NAALADL2: variants seen among roughly 807,000 people sequenced by gnomAD.
NAALADL2 encodes the protein N-acetylated alpha-linked acidic dipeptidase like 2, also known as inactive N-acetylated-alpha-linked acidic dipeptidase-like protein 2.
Under a neutral mutation model 87.2 loss-of-function variants are expected in NAALADL2, and 76 were observed. The ratio of observed to expected loss-of-function variants is 0.87; its 90% CI spans 0.72 to 1.05. The LOEUF (loss-of-function observed/expected upper bound fraction) is 1.05. Among genes scored for constraint, NAALADL2 ranks in the 50% least tolerant of loss-of-function variants. NAALADL2 has a pLI of 0.00. For missense variants in NAALADL2, 1,089 were observed against 945.8 expected (o/e 1.15, Z -1.99); for synonymous variants, 354 against 331.0 (o/e 1.07, Z -0.75).
chr3:174,477,283 T>C lies in NAALADL2; in HGVS notation c.-184+36251T>C, dbSNP rs1349803872. Among the ~76,000 whole-genome samples the C allele has an allele frequency of 3.3e-5, 5 of 152,184 alleles. No homozygotes were observed. The East Asian group carries it at 9.6e-4, about 29-fold the overall frequency. On this transcript the variant is annotated intron_variant, in intron 1 of 3. Coordinates refer to the NAALADL2 transcript ENST00000434257. ...AGCTAGGGTTAGAATCTCATTCTTA[T>C]GATTCCTAGTCCTGAGTTCTTTCCA...
intron 3 of NAALADL2, 36 bp from the exon 4 acceptor site, chr3:175,256,375 A>G (rs747499902): frequency 6.3e-7 from 1 of 1,577,606 alleles, no homozygotes; most frequent in East Asian, 2.3e-5. Context: ...TCTTCCTCTG[A>G]GGCTTTATTT....
At chr3:175,536,400 C>A (rs1053124702) in intron 9 of NAALADL2, among the ~76,000 whole-genome samples, 1 of 152,066 alleles carries the variant, frequency 6.6e-6, no homozygotes, top group Non-Finnish European at 1.5e-5. Flanking sequence ...AAAAGCAAAG[C>A]AATACTAATT....
At chr3:175,549,181 G>T (rs1387791142) in intron 9 of NAALADL2, among the ~76,000 whole-genome samples, 1 of 151,540 alleles carries the variant, frequency 6.6e-6, no homozygotes, top group African/African-American at 2.4e-5. Flanking sequence ...TCATTGTGTA[G>T]TTCTATGATA....
At chr3:174,592,884 C>G (rs945442715) in intron 2 of NAALADL2, among the ~76,000 whole-genome samples, 4 of 151,392 alleles carry the variant, frequency 2.6e-5, no homozygotes, top group Non-Finnish European at 5.9e-5. Context: ...TGAAGTTTGA[C>G]TTTATTTGCT....
chr3:174,983,157 CAT>C (rs1186669528), intron 1 of NAALADL2, among the ~76,000 whole-genome samples: 1 of 152,134 alleles, frequency 6.6e-6, no homozygotes, highest in Non-Finnish European at 1.5e-5. Context: ...CACAGGGTCA[CAT>C]ATGAAATTAC....
At chr3:175,563,296 A>C (rs1483889622) in intron 9 of NAALADL2, among the ~76,000 whole-genome samples, 1 of 152,150 alleles carries the variant, frequency 6.6e-6, no homozygotes, top group East Asian at 1.9e-4. Flanking sequence ...CCTACTTTTC[A>C]CAAGGTATTT....
At chr3:175,054,961 G>A (rs9814774) in intron 1 of NAALADL2, among the ~76,000 whole-genome samples, 149,257 of 152,282 alleles carry the variant, frequency 0.98, 73,155 homozygotes, top group East Asian at 1. Context: ...TGCAAAATAT[G>A]ACTACTTTGA....
intron 2 of NAALADL2, among the ~76,000 whole-genome samples, chr3:175,229,906 T>A (rs908957834): frequency 6.6e-6 from 1 of 151,986 alleles, no homozygotes; most frequent in African/African-American, 2.4e-5. Context: ...GAACAAGTAG[T>A]GTGACTTGCC....
At chr3:175,635,859 C>G (rs1728454834) in intron 11 of NAALADL2, among the ~76,000 whole-genome samples, 1 of 152,004 alleles carries the variant, frequency 6.6e-6, no homozygotes, top group Non-Finnish European at 1.5e-5. Flanking sequence ...TCTAGGTCGA[C>G]AGATCAAATA....
chr3:174,667,128 T>A (rs1438861062), intron 2 of NAALADL2, among the ~76,000 whole-genome samples: 1 of 152,196 alleles, frequency 6.6e-6, no homozygotes, highest in South Asian at 2.1e-4. Context: ...CTGTGAATAA[T>A]GCTGCATTGA....
In NAALADL2 at chr3:175,648,924, A is replaced by G. The variant is rs567366496; in HGVS notation, c.1896+21538A>G. Among the ~76,000 whole-genome samples, 7 of 152,306 alleles carry G rather than the reference A, an allele frequency of 4.6e-5. No homozygotes were observed. The South Asian group carries it at 1.2e-3, about 27-fold the overall frequency. Reference sequence around the variant, plus strand: ...GTTGTCCCTTTTGTAGACTAGTTACAAGTATTTAGTTCAGAAATAAAAAAT... The same window carrying G: ...GTTGTCCCTTTTGTAGACTAGTTACGAGTATTTAGTTCAGAAATAAAAAAT... On this transcript the variant is annotated intron_variant, in intron 11 of 13. Coordinates refer to ENST00000454872, the MANE Select transcript of NAALADL2 (RefSeq NM_207015.3).
At chr3:175,346,536 G>A (rs1296966654) in intron 5 of NAALADL2, among the ~76,000 whole-genome samples, 3 of 151,930 alleles carry the variant, frequency 2.0e-5, no homozygotes, top group African/African-American at 4.8e-5. Flanking sequence ...TGAAAATTAG[G>A]GTTTGACTTT....
At chr3:175,491,733 T>C (rs188961944) in intron 9 of NAALADL2, among the ~76,000 whole-genome samples, 1 of 152,244 alleles carries the variant, frequency 6.6e-6, no homozygotes, top group African/African-American at 2.4e-5. Context: ...ACGCTACACA[T>C]GAGGATTACC....
chr3:174,944,556 T>A (rs1382612486), intron 1 of NAALADL2, among the ~76,000 whole-genome samples: 1 of 152,188 alleles, frequency 6.6e-6, no homozygotes, highest in Admixed American at 6.5e-5. Flanking sequence ...CTGCTTAGCA[T>A]CCTGGATTCA....
chr3:174,965,682 A>G (rs1213505473), intron 1 of NAALADL2, among the ~76,000 whole-genome samples: 1 of 152,168 alleles, frequency 6.6e-6, no homozygotes, highest in African/African-American at 2.4e-5. Flanking sequence ...GAGGTCCTCA[A>G]GGAGGCTTGG....
intron 1 of NAALADL2, among the ~76,000 whole-genome samples, chr3:174,490,189 T>C (rs1038311227): frequency 6.6e-6 from 1 of 151,994 alleles, no homozygotes; most frequent in African/African-American, 2.4e-5. Context: ...ATAAATAAAA[T>C]AGTGGTATAT....
At chr3:175,732,675 C>A (rs1743933805) in intron 11 of NAALADL2, among the ~76,000 whole-genome samples, 1 of 152,000 alleles carries the variant, frequency 6.6e-6, no homozygotes, top group Non-Finnish European at 1.5e-5. Flanking sequence ...TAAGCAAGGG[C>A]AGGGAGACCT....
At chr3:175,393,150 T>C (rs1769279723) in intron 5 of NAALADL2, among the ~76,000 whole-genome samples, 1 of 150,494 alleles carries the variant, frequency 6.6e-6, no homozygotes, top group South Asian at 2.1e-4. Context: ...GGCGGGCGCC[T>C]GTAGTCCCAG....
chr3:175,728,463 G>T (rs1463767839), intron 11 of NAALADL2, among the ~76,000 whole-genome samples: 1 of 152,164 alleles, frequency 6.6e-6, no homozygotes, highest in African/African-American at 2.4e-5. Flanking sequence ...GGATACTGCA[G>T]CTTTGGAAAG....
Sources: allele counts gnomAD v4.1 joint callset (sites outside exome capture counted in the v4.1 genomes callset), GRCh38; gene constraint gnomAD v4.1.1; transcripts MANE v1.5; gene names NCBI Gene and HGNC (gene_info 2026-07-23, HGNC 2026-07-21).